SKAP1: variants seen among roughly 807,000 people sequenced by gnomAD.
SKAP1 encodes src kinase-associated phosphoprotein 1.
A neutral mutation model predicts 58.5 loss-of-function variants in SKAP1; 44 were observed. The ratio of observed to expected loss-of-function variants is 0.75; its 90% CI spans 0.59 to 0.97. The LOEUF is 0.97. Among genes scored for constraint, SKAP1 ranks in the 50% least tolerant of loss-of-function variants. The pLI is 0.00. For missense variants in SKAP1, 390 were observed against 435.2 expected (o/e 0.90, Z 0.92); for synonymous variants, 127 against 149.7 (o/e 0.85, Z 1.11).
At chr17:48,250,808 T>C (rs1199506007) in intron 4 of SKAP1, among the ~76,000 whole-genome samples, 9 of 152,016 alleles carry the variant, frequency 5.9e-5, no homozygotes, top group Admixed American at 5.9e-4. Flanking sequence ...AAAAAGTGGA[T>C]TAAGAAATGT....
Position 48,141,615 on chromosome 17 carries a change from G to A in SKAP1, c.979-4278C>T, listed in dbSNP as rs937174065. ...TGGTCTTGAACTCCTGACCTCAGGT[G>A]ATCTGCCTGCCTCGGTCTCCCAAAG... is the stretch of plus-strand genomic sequence containing the variant. On this transcript the variant is annotated intron_variant, in intron 11 of 12. Transcript: ENST00000336915. Among the ~76,000 whole-genome samples the A allele has an allele frequency of 3.3e-5, 5 of 152,188 alleles. 1 individual carries two copies. In the East Asian group the frequency reaches 7.7e-4, roughly 24 times the overall value.
At chr17:48,350,936 A>G (rs1365638834) in intron 3 of SKAP1, among the ~76,000 whole-genome samples, 1 of 152,194 alleles carries the variant, frequency 6.6e-6, no homozygotes, top group East Asian at 1.9e-4. Flanking sequence ...CTAAAATGCT[A>G]TAAATAAAGC....
intron 10 of SKAP1, among the ~76,000 whole-genome samples, chr17:48,167,963 G>A (rs1005226001): frequency 1.3e-5 from 2 of 152,126 alleles, no homozygotes; most frequent in African/African-American, 4.8e-5. Context: ...GAAACTCTGA[G>A]GTGTTGAAGA....
intron 4 of SKAP1, among the ~76,000 whole-genome samples, chr17:48,247,390 C>G (rs1413174153): frequency 1.3e-5 from 2 of 152,210 alleles, no homozygotes; most frequent in Non-Finnish European, 2.9e-5. Context: ...GCTGCCAATA[C>G]TATGCAGCAT....
chr17:48,397,607 C>G (rs1009016238), intron 1 of SKAP1, among the ~76,000 whole-genome samples: 1 of 151,920 alleles, frequency 6.6e-6, no homozygotes, highest in African/African-American at 2.4e-5. Context: ...AAAGAAATAC[C>G]AATAAATAGA....
intron 4 of SKAP1, among the ~76,000 whole-genome samples, chr17:48,303,852 GAAACCCT>G (rs1468163676): frequency 1.3e-5 from 2 of 152,154 alleles, no homozygotes; most frequent in Non-Finnish European, 2.9e-5. Flanking sequence ...CAATGTTTGG[GAAACCCT>G]AAGGCGTACA....
At chr17:48,285,825 C>T (rs2065823502) in intron 4 of SKAP1, among the ~76,000 whole-genome samples, 1 of 152,132 alleles carries the variant, frequency 6.6e-6, no homozygotes, top group African/African-American at 2.4e-5. Context: ...CAGACATTTA[C>T]TTTTGGAGTC....
Position 48,275,101 on chromosome 17 carries a change from C to A in SKAP1, c.280+70804G>T, listed in dbSNP as rs9895985. 1.9e-3 allele frequency among the ~76,000 whole-genome samples: 287 copies of A among 152,106 alleles called. 1 individual carries two copies. Among genetic ancestry groups the A allele is most frequent in the Admixed American group, 4.9e-3 (75 of 15,300 alleles). On this transcript the variant is annotated intron_variant, in intron 4 of 12. Coordinates refer to ENST00000336915, the MANE Select transcript of SKAP1 (RefSeq NM_003726.4). The stretch of plus-strand genomic sequence containing the variant: ...TCCCTGTGGCTGTTTCATTCCCTTT[C>A]ACTTTACCAGACTTCCAGTAAAGCA...
chr17:48,341,357 C>A (rs142383719), intron 4 of SKAP1, among the ~76,000 whole-genome samples: 2 of 152,142 alleles, frequency 1.3e-5, no homozygotes, highest in Non-Finnish European at 2.9e-5. Flanking sequence ...AGATTCATAT[C>A]TAATGCTTTC....
intron 4 of SKAP1, among the ~76,000 whole-genome samples, chr17:48,197,146 T>G (rs2064645021): frequency 6.6e-6 from 1 of 151,342 alleles, no homozygotes; most frequent in Non-Finnish European, 1.5e-5. Flanking sequence ...TAATCCCAGC[T>G]ACTTGGGAGG....
the SKAP1 span, among the ~76,000 whole-genome samples, chr17:48,443,871 GA>G: frequency 6.6e-6 from 1 of 151,728 alleles, no homozygotes; most frequent in Non-Finnish European, 1.5e-5. Flanking sequence ...CATTCACTTG[GA>G]ATCATCAATT....
intron 11 of SKAP1, among the ~76,000 whole-genome samples, chr17:48,158,578 A>AAAAAAAAG (rs1567798217): frequency 3.3e-5 from 5 of 149,394 alleles, no homozygotes; most frequent in Admixed American, 6.7e-5. Context: ...AAAAAAAAAA[A>AAAAAAAAG]AAAAAAGAAA....
intron 4 of SKAP1, among the ~76,000 whole-genome samples, chr17:48,345,680 T>A (rs1481351440): frequency 1.3e-5 from 2 of 152,212 alleles, no homozygotes; most frequent in African/African-American, 4.8e-5. Context: ...CCTGTTCCAA[T>A]ATGGAATTAG....
At chr17:48,329,035 G>A (rs919041492) in intron 4 of SKAP1, among the ~76,000 whole-genome samples, 1 of 152,152 alleles carries the variant, frequency 6.6e-6, no homozygotes, top group Non-Finnish European at 1.5e-5. Flanking sequence ...TAGTTTCTTA[G>A]TCTTCCAGCC....
chr17:48,375,161 TG>T (rs2067136753), intron 2 of SKAP1, among the ~76,000 whole-genome samples: 1 of 152,200 alleles, frequency 6.6e-6, no homozygotes, highest in Admixed American at 6.5e-5. Flanking sequence ...CGGGTTCTTT[TG>T]GGGGATGTAA....
intron 3 of SKAP1, among the ~76,000 whole-genome samples, chr17:48,349,486 C>T (rs1278532441): frequency 6.6e-6 from 1 of 152,240 alleles, no homozygotes; most frequent in Non-Finnish European, 1.5e-5. Context: ...TATATTCTAA[C>T]ACATCATATC....
At chr17:48,234,093 T>C (rs1404310648) in intron 4 of SKAP1, among the ~76,000 whole-genome samples, 1 of 152,246 alleles carries the variant, frequency 6.6e-6, no homozygotes, top group Non-Finnish European at 1.5e-5. Flanking sequence ...TTATTTATGC[T>C]TTAATGCCTT....
Position 48,418,456 on chromosome 17 carries a change from C to T in SKAP1, c.46+11619G>A, listed in dbSNP as rs568637125. Among the ~76,000 whole-genome samples the T allele has an allele frequency of 2.6e-5, 4 of 152,150 alleles. No individual in the cohort carries two copies. The South Asian group carries it at 8.3e-4, about 32-fold the overall frequency. On this transcript the variant is annotated intron_variant, in intron 1 of 12. Coordinates refer to ENST00000336915, the MANE Select transcript of SKAP1 (RefSeq NM_003726.4). ...GTCTAAAAATAAAAAGACTGCAATA[C>T]CAAATGTTGGTAAGGATATGGAGCA...
intron 9 of SKAP1, among the ~76,000 whole-genome samples, chr17:48,175,293 C>T (rs2064274681): frequency 6.6e-6 from 1 of 152,210 alleles, no homozygotes; most frequent in Non-Finnish European, 1.5e-5. Context: ...AAAATGCCAA[C>T]TGTGTAAATG....
Sources: allele counts gnomAD v4.1 joint callset (sites outside exome capture counted in the v4.1 genomes callset), GRCh38; gene constraint gnomAD v4.1.1; transcripts MANE v1.5; gene names NCBI Gene and HGNC (gene_info 2026-07-23, HGNC 2026-07-21).